SAV1: variants seen among roughly 807,000 people sequenced by gnomAD.
SAV1 encodes protein salvador homolog 1.
Under a neutral mutation model 47.3 loss-of-function variants are expected in SAV1, and 23 were observed. That is an observed-to-expected ratio of 0.49 (90% confidence interval 0.35 to 0.69). SAV1 has a LOEUF of 0.69. SAV1 is among the 30% of genes least tolerant of loss of function. The pLI is 0.01. For synonymous variants in SAV1, 155 were observed against 159.2 expected (o/e 0.97, Z 0.20); for missense variants, 448 against 457.4 (o/e 0.98, Z 0.19).
intron 2 of SAV1, among the ~76,000 whole-genome samples, chr14:50,646,649 C>G (rs933619162): frequency 2.8e-5 from 4 of 144,126 alleles, no homozygotes; most frequent in African/African-American, 1.0e-4. Context: ...CGCGCCATTA[C>G]ACTCCATCCT....
chr14:50,644,705 T>TC, intron 3 of SAV1, 39 bp downstream of exon 3: 1 of 1,574,908 alleles, frequency 6.3e-7, no homozygotes, highest in Non-Finnish European at 8.7e-7. Context: ...CATTAGACAA[T>TC]CCCGAAACAA....
At chr14:50,650,762 C>T (rs1303020048) in intron 2 of SAV1, among the ~76,000 whole-genome samples, 1 of 152,194 alleles carries the variant, frequency 6.6e-6, no homozygotes, top group African/African-American at 2.4e-5. Flanking sequence ...TGGCTCACAC[C>T]TGTAATCCCA....
At chr14:50,650,831 G>C (rs774132099) in intron 2 of SAV1, among the ~76,000 whole-genome samples, 3 of 150,420 alleles carry the variant, frequency 2.0e-5, no homozygotes, top group Non-Finnish European at 4.5e-5. Context: ...AGACCAGCCG[G>C]GCCAAGACGA....
intron 3 of SAV1, among the ~76,000 whole-genome samples, chr14:50,642,693 T>G (rs2039690492): frequency 6.6e-6 from 1 of 152,100 alleles, no homozygotes; most frequent in African/African-American, 2.4e-5. Flanking sequence ...AAAATGCATG[T>G]GTATATTAGA....
In SAV1 at chr14:50,635,134, T is replaced by C; in HGVS notation, c.*49A>G. The C allele has an allele frequency of 7.0e-7, 1 of 1,425,198 alleles. No homozygotes were observed. Among genetic ancestry groups the C allele is most frequent in the African/African-American group, 1.4e-5 (1 of 70,758 alleles). 88.3% of individuals were successfully genotyped at this position (1,425,198 alleles called of 1,614,324 possible). ...GTACTTGTTTGCAATTTTTTATCTG[T>C]GAAAATATTTTAAAGCTCTTACAAA... On this transcript the variant is annotated 3_prime_UTR_variant, in exon 5 of 5. Transcript: ENST00000324679.
Position 50,634,084 on chromosome 14 carries a change from T to C in SAV1, c.*1099A>G. On this transcript the variant is annotated 3_prime_UTR_variant, in exon 5 of 5. Coordinates refer to ENST00000324679, the MANE Select transcript of SAV1 (RefSeq NM_021818.4). ...ATCCCTGGTTGTCATTTTTGGTAGC[T>C]TAACCCAGTCTGTCAGAAGGCAGTA... The C allele has an allele frequency of 8.0e-6, 3 of 375,608 alleles. No homozygotes were observed. Among genetic ancestry groups the C allele is most frequent in the South Asian group, 5.9e-5 (3 of 50,736 alleles). 23.3% of individuals were successfully genotyped at this position (375,608 alleles called of 1,614,324 possible). A position where few individuals can be genotyped will look rare whatever the true frequency, so the allele number is the denominator to read the frequency against.
At chr14:50,639,070 CTT>C (rs1050083633) in intron 4 of SAV1, among the ~76,000 whole-genome samples, 10 of 152,286 alleles carry the variant, frequency 6.6e-5, no homozygotes, top group African/African-American at 2.4e-4. Context: ...CCCGGCCTAA[CTT>C]TTAAAATTTT....
In SAV1 at chr14:50,665,262, C is replaced by T. The variant is rs1371331927; in HGVS notation, c.452G>A (p.Arg151His). The T allele has an allele frequency of 3.1e-6, 5 of 1,613,742 alleles. No individual in the cohort carries two copies. Among genetic ancestry groups the T allele is most frequent in the Admixed American group, 1.7e-5 (1 of 59,996 alleles). The change falls in exon 2 of 5, where the codon CGT (arginine) becomes CAT (histidine). Residue 151 changes from arginine (R) to histidine (H), a missense_variant. Arg to His is a conservative substitution (Grantham distance 29). Transcript: ENST00000324679. ...ATAATATCTGTAGTCTTCATGTGCA[C>T]GATCTCCAAGTGGCCGCTTTCTCTG... ...DGQRKRPLGDRAHEDYRYYEY... is the reference protein window; with the variant it reads ...DGQRKRPLGDHAHEDYRYYEY...
At chr14:50,665,647 C>G (rs117071811) in intron 1 of SAV1, 28 bp from the exon 2 acceptor site, 1 of 1,526,198 alleles carries the variant, frequency 6.6e-7, no homozygotes, top group African/African-American at 1.4e-5. Flanking sequence ...ATAAAATTAC[C>G]CTTTCATCAT....
In SAV1 at chr14:50,667,912, C is replaced by T; in HGVS notation, c.56G>A (p.Gly19Glu). ...CGACGTCTCCTTCTTCACGTACTTCCCCTGCACCTCGGCCGGCTTGGACAC... is the reference window on the plus strand; with the variant it reads ...CGACGTCTCCTTCTTCACGTACTTCTCCTGCACCTCGGCCGGCTTGGACAC... ...NEVSKPAEVQ[G>E]KYVKKETSPL... The change falls in exon 1 of 5, where the codon GGG (glycine) becomes GAG (glutamate). Residue 19 changes from glycine to glutamate, a missense_variant. Transcript: ENST00000324679. 1 of 1,613,176 alleles carries T rather than the reference C, an allele frequency of 6.2e-7. No homozygotes were observed. The highest frequency in any genetic ancestry group is 1.1e-5 in the South Asian group (1 of 91,056).
At chr14:50,652,607 A>C (rs1427207551) in intron 2 of SAV1, among the ~76,000 whole-genome samples, 2 of 152,244 alleles carry the variant, frequency 1.3e-5, no homozygotes, top group Non-Finnish European at 2.9e-5. Context: ...ATCAAAAGGA[A>C]TTACCACACC....
chr14:50,660,573 T>C (rs1009370340), intron 2 of SAV1, among the ~76,000 whole-genome samples: 4 of 152,182 alleles, frequency 2.6e-5, no homozygotes, highest in African/African-American at 9.7e-5. Flanking sequence ...CAAGTCAGGG[T>C]ATTTAGGGTA....
At chr14:50,647,663 T>C (rs572884483) in intron 2 of SAV1, among the ~76,000 whole-genome samples, 1 of 152,204 alleles carries the variant, frequency 6.6e-6, no homozygotes, top group South Asian at 2.1e-4. Flanking sequence ...AACATATTGA[T>C]GGTAAATAGC....
At chr14:50,639,594 T>C (rs1480515881) in intron 4 of SAV1, among the ~76,000 whole-genome samples, 2 of 152,228 alleles carry the variant, frequency 1.3e-5, no homozygotes, top group East Asian at 1.9e-4. Flanking sequence ...TTGAGTTTTA[T>C]AGTTAGCTCA....
At chr14:50,645,928 A>G (rs531616979) in intron 2 of SAV1, among the ~76,000 whole-genome samples, 1 of 152,232 alleles carries the variant, frequency 6.6e-6, no homozygotes, top group Non-Finnish European at 1.5e-5. Flanking sequence ...TAATAGCTCC[A>G]AAGAATTGTG....
intron 2 of SAV1, among the ~76,000 whole-genome samples, chr14:50,648,923 T>C (rs1438627388): frequency 6.6e-6 from 1 of 152,194 alleles, no homozygotes; most frequent in Non-Finnish European, 1.5e-5. Context: ...TTGGTACAAG[T>C]TATCTTTACT....
intron 2 of SAV1, among the ~76,000 whole-genome samples, chr14:50,651,684 T>C (rs925603445): frequency 2.0e-5 from 3 of 152,194 alleles, no homozygotes; most frequent in Admixed American, 2.0e-4. Flanking sequence ...TGGAGTGCAG[T>C]GGCACAATTA....
At chr14:50,665,073 C>T in intron 2 of SAV1, 106 bp downstream of exon 2, 5 of 1,421,186 alleles carry the variant, frequency 3.5e-6, no homozygotes, top group Middle Eastern at 2.6e-4. Flanking sequence ...AAAAACATTT[C>T]GCTAGTAGTA....
intron 2 of SAV1, 51 bp downstream of exon 2, chr14:50,665,128 T>C (rs1342445671): frequency 2.7e-6 from 4 of 1,462,948 alleles, no homozygotes; most frequent in Admixed American, 2.4e-5. Context: ...ATCTTTTTAA[T>C]TGACATGTCA....
Sources: allele counts gnomAD v4.1 joint callset (sites outside exome capture counted in the v4.1 genomes callset), GRCh38; gene constraint gnomAD v4.1.1; transcripts MANE v1.5; gene names NCBI Gene and HGNC (gene_info 2026-07-23, HGNC 2026-07-21).